Variants in RUNDC3B observed in about 807,000 individuals in gnomAD.
The protein encoded by RUNDC3B is RUN domain containing 3B, also known as RUN domain-containing protein 3B.
Under a neutral mutation model 58.4 loss-of-function variants are expected in RUNDC3B, and 33 were observed. The observed-to-expected ratio is 0.56, with a 90% CI of 0.43 to 0.75. RUNDC3B has a LOEUF of 0.75. RUNDC3B is among the 30% of genes least tolerant of loss of function. The pLI, the probability that RUNDC3B is intolerant of heterozygous loss-of-function variation, is 0.00. For missense variants in RUNDC3B, 501 were observed against 535.7 expected (o/e 0.94, Z 0.64); for synonymous variants, 193 against 195.2 (o/e 0.99, Z 0.10).
chr7:87,658,926 C>T (rs971895314), intron 2 of RUNDC3B, among the ~76,000 whole-genome samples: 5 of 152,104 alleles, frequency 3.3e-5, no homozygotes, highest in Admixed American at 6.5e-5. Flanking sequence ...CCAAAGCAAG[C>T]GGATCACTTG....
chr7:87,699,905 T>G (rs1828864126), intron 2 of RUNDC3B, among the ~76,000 whole-genome samples: 1 of 152,200 alleles, frequency 6.6e-6, no homozygotes, highest in African/African-American at 2.4e-5. Flanking sequence ...GAATATAGGA[T>G]GCTAATTGAT....
At chr7:87,694,067 G>T in intron 2 of RUNDC3B, 1 of 1,527,624 alleles carries the variant, frequency 6.5e-7, no homozygotes, top group South Asian at 1.3e-5. Flanking sequence ...ACATTGCATG[G>T]GTTTTGTAAA....
Position 87,650,822 on chromosome 7 carries a change from G to A in RUNDC3B, c.123G>A (p.Arg41=). 6.3e-7 allele frequency: 1 copy of A among 1,583,208 alleles called. No individual in the cohort carries two copies. The highest frequency in any genetic ancestry group is 8.7e-7 in the Non-Finnish European group (1 of 1,152,472). ...AGCAACAATAATCTTTTTTTCATAG[G>A]TTTTCTGTGAAGACCCTGATTGATC... The part of the protein sequence containing the change: ...VERRNLITVC[R]FSVKTLIDRS... The change falls in exon 2 of 11, where the codon AGG becomes AGA. Residue 41 remains arginine, a splice_region_variant and synonymous_variant. Transcript: ENST00000394654.
At chr7:87,650,796 A>C (rs770335503) in intron 1 of RUNDC3B, 26 bp from the exon 2 acceptor site, 2 of 1,438,100 alleles carry the variant, frequency 1.4e-6, no homozygotes, top group Non-Finnish European at 2.0e-6. Context: ...CTCTGCCTAA[A>C]AGCAACAATA....
intron 8 of RUNDC3B, among the ~76,000 whole-genome samples, chr7:87,794,175 G>A (rs1387348093): frequency 6.6e-6 from 1 of 152,142 alleles, no homozygotes; most frequent in Non-Finnish European, 1.5e-5. Flanking sequence ...AGTGGCTCAC[G>A]CCTGTAATCC....
At chr7:87,799,542 A>G (rs1259174142) in intron 8 of RUNDC3B, among the ~76,000 whole-genome samples, 4 of 152,206 alleles carry the variant, frequency 2.6e-5, no homozygotes, top group African/African-American at 4.8e-5. Flanking sequence ...CCGTGTCACA[A>G]ATAGTACTGG....
intron 8 of RUNDC3B, among the ~76,000 whole-genome samples, chr7:87,798,849 A>G (rs1315505503): frequency 6.6e-6 from 1 of 152,200 alleles, no homozygotes; most frequent in Non-Finnish European, 1.5e-5. Flanking sequence ...GTAAATAGGT[A>G]AATAGCATAA....
chr7:87,730,535 AG>A (rs957198756), intron 4 of RUNDC3B, among the ~76,000 whole-genome samples: 6 of 152,050 alleles, frequency 3.9e-5, no homozygotes, highest in African/African-American at 1.4e-4. Context: ...GTGCCAGCTC[AG>A]CCACAGTAGA....
At chr7:87,800,834 A>G (rs1379979517) in intron 8 of RUNDC3B, among the ~76,000 whole-genome samples, 1 of 151,874 alleles carries the variant, frequency 6.6e-6, no homozygotes, top group Non-Finnish European at 1.5e-5. Flanking sequence ...TTTTTTGTAT[A>G]GATAGGTTCT....
chr7:87,696,320 A>G (rs1175674590), intron 2 of RUNDC3B, among the ~76,000 whole-genome samples: 3 of 152,106 alleles, frequency 2.0e-5, no homozygotes, highest in Admixed American at 2.0e-4. Flanking sequence ...TATTACTTCA[A>G]TATTTATTTT....
chr7:87,691,622 A>ACG (rs1330552969), intron 2 of RUNDC3B, among the ~76,000 whole-genome samples: 1 of 152,116 alleles, frequency 6.6e-6, no homozygotes, highest in African/African-American at 2.4e-5. Flanking sequence ...GCTTTGTCAT[A>ACG]CGCTTGTTTA....
At chr7:87,639,509 G>T (rs1013004776) in intron 1 of RUNDC3B, among the ~76,000 whole-genome samples, 6 of 152,084 alleles carry the variant, frequency 3.9e-5, no homozygotes, top group African/African-American at 1.4e-4. Context: ...CTCTATGACT[G>T]TAGATTTGTC....
intron 6 of RUNDC3B, among the ~76,000 whole-genome samples, chr7:87,750,326 C>T (rs1393942063): frequency 7.2e-5 from 11 of 151,774 alleles, no homozygotes; most frequent in African/African-American, 2.7e-4. Flanking sequence ...GTGAATAATG[C>T]CGCAATAAAC....
intron 10 of RUNDC3B, among the ~76,000 whole-genome samples, chr7:87,820,826 C>G (rs1837378557): frequency 6.6e-6 from 1 of 151,578 alleles, no homozygotes; most frequent in Non-Finnish European, 1.5e-5. Context: ...AGGCCTTTGA[C>G]AAAATTCAAC....
At chr7:87,763,337 C>T (rs189190827) in intron 6 of RUNDC3B, among the ~76,000 whole-genome samples, 1 of 151,706 alleles carries the variant, frequency 6.6e-6, no homozygotes, top group East Asian at 1.9e-4. Flanking sequence ...TTTAGGTTTA[C>T]CCATAAGTTT....
chr7:87,688,883 A>G (rs1271902424), intron 2 of RUNDC3B, among the ~76,000 whole-genome samples: 1 of 152,032 alleles, frequency 6.6e-6, no homozygotes, highest in African/African-American at 2.4e-5. Context: ...ATAATGAAAT[A>G]TAGACAAAAT....
chr7:87,699,734 T>A (rs923298858), intron 2 of RUNDC3B, among the ~76,000 whole-genome samples: 3 of 152,180 alleles, frequency 2.0e-5, no homozygotes, highest in Non-Finnish European at 4.4e-5. Context: ...ATATAACCTA[T>A]GCACAATAGA....
chr7:87,827,229 T>C (rs1463255486), intron 10 of RUNDC3B, among the ~76,000 whole-genome samples: 1 of 152,226 alleles, frequency 6.6e-6, no homozygotes, highest in African/African-American at 2.4e-5. Flanking sequence ...GGCTCATGCC[T>C]GTAATCCCAG....
At chr7:87,683,242 C>T (rs931058222) in intron 2 of RUNDC3B, among the ~76,000 whole-genome samples, 2 of 152,152 alleles carry the variant, frequency 1.3e-5, no homozygotes, top group Non-Finnish European at 2.9e-5. Flanking sequence ...GTCTTCTATT[C>T]AGACCACTCA....
Sources: allele counts gnomAD v4.1 joint callset (sites outside exome capture counted in the v4.1 genomes callset), GRCh38; gene constraint gnomAD v4.1.1; transcripts MANE v1.5; gene names NCBI Gene and HGNC (gene_info 2026-07-23, HGNC 2026-07-21).